The following TMEM163 variants were observed in gnomAD, a reference collection of about 807,000 sequenced individuals.
The protein encoded by TMEM163 is transmembrane protein 163.
A neutral mutation model predicts 29.3 loss-of-function variants in TMEM163; 17 were observed. The observed-to-expected ratio is 0.58, with a 90% confidence interval of 0.40 to 0.87. The LOEUF (loss-of-function observed/expected upper bound fraction) is 0.87. Ranked by LOEUF, TMEM163 falls within the 40% of genes least tolerant of loss-of-function variation. The pLI is 0.00. For synonymous variants in TMEM163, 157 were observed against 160.6 expected (o/e 0.98, Z 0.17); for missense variants, 303 against 381.5 (o/e 0.79, Z 1.71).
At chr2:134,552,753 C>G (rs1404800151) in intron 2 of TMEM163, among the ~76,000 whole-genome samples, 1 of 151,142 alleles carries the variant, frequency 6.6e-6, no homozygotes. Flanking sequence ...CCTCTGCCTC[C>G]CGGGTTCAAG....
intron 2 of TMEM163, among the ~76,000 whole-genome samples, chr2:134,688,484 TTCTC>T (rs1213619455): frequency 1.3e-5 from 2 of 152,236 alleles, no homozygotes; most frequent in African/African-American, 4.8e-5. Flanking sequence ...AATTCCTAGA[TTCTC>T]TCAGTCCTTC....
At chr2:134,463,925 G>C (rs1290709292) in intron 6 of TMEM163, among the ~76,000 whole-genome samples, 1 of 152,178 alleles carries the variant, frequency 6.6e-6, no homozygotes, top group Non-Finnish European at 1.5e-5. Flanking sequence ...GCAACCCAGG[G>C]CTTCATCTGG....
At chr2:134,678,638 C>T (rs2104873135) in intron 2 of TMEM163, among the ~76,000 whole-genome samples, 1 of 152,316 alleles carries the variant, frequency 6.6e-6, no homozygotes, top group South Asian at 2.1e-4. Context: ...AGGCCCGTCT[C>T]TGCTACTCAT....
chr2:134,496,413 G>A (rs956900995), intron 5 of TMEM163, among the ~76,000 whole-genome samples: 8 of 152,142 alleles, frequency 5.3e-5, no homozygotes, highest in African/African-American at 1.9e-4. Flanking sequence ...TTGCTCAGGA[G>A]CATGGAATCC....
At chr2:134,553,115 C>T (rs1156369978) in intron 2 of TMEM163, among the ~76,000 whole-genome samples, 3 of 152,174 alleles carry the variant, frequency 2.0e-5, no homozygotes, top group South Asian at 4.1e-4. Context: ...CATACATGCA[C>T]CTCCAACCAT....
At chr2:134,461,038 C>T (rs141241921) in intron 6 of TMEM163, among the ~76,000 whole-genome samples, 74 of 152,324 alleles carry the variant, frequency 4.9e-4, no homozygotes, top group African/African-American at 1.6e-3. Context: ...CTTCCCAATC[C>T]GTCATTCCAC....
At chr2:134,527,550 G>A (rs1049396288) in intron 4 of TMEM163, among the ~76,000 whole-genome samples, 4 of 152,168 alleles carry the variant, frequency 2.6e-5, no homozygotes, top group Non-Finnish European at 5.9e-5. Flanking sequence ...GGAAATTGAA[G>A]GTCTAAGGGC....
intron 2 of TMEM163, among the ~76,000 whole-genome samples, chr2:134,615,157 C>G (rs1194225230): frequency 6.6e-6 from 1 of 151,968 alleles, no homozygotes; most frequent in African/African-American, 2.4e-5. Context: ...GTTTTTTGCA[C>G]CAAAATGTAC....
chr2:134,465,558 A>G (rs529292266), intron 6 of TMEM163, among the ~76,000 whole-genome samples: 1 of 152,314 alleles, frequency 6.6e-6, no homozygotes, highest in South Asian at 2.1e-4. Flanking sequence ...CCTCTCTGTC[A>G]TCCCAAAGGT....
chr2:134,463,038 C>A (rs1686584681), intron 6 of TMEM163, among the ~76,000 whole-genome samples: 1 of 152,236 alleles, frequency 6.6e-6, no homozygotes, highest in Non-Finnish European at 1.5e-5. Flanking sequence ...TATGGACTCA[C>A]CACTGGGAGC....
chr2:134,575,604 G>A (rs1270013255), intron 2 of TMEM163, among the ~76,000 whole-genome samples: 2 of 152,142 alleles, frequency 1.3e-5, no homozygotes, highest in Non-Finnish European at 2.9e-5. Flanking sequence ...CTCGCCACAC[G>A]GAGTGAATGC....
At chr2:134,699,834 G>T (rs1479894255) in intron 2 of TMEM163, among the ~76,000 whole-genome samples, 1 of 151,682 alleles carries the variant, frequency 6.6e-6, no homozygotes, top group South Asian at 2.1e-4. Context: ...TTATCTTCTG[G>T]GTGGTTGGAA....
intron 5 of TMEM163, among the ~76,000 whole-genome samples, chr2:134,501,840 T>C (rs1367034677): frequency 6.6e-6 from 1 of 152,208 alleles, no homozygotes; most frequent in Non-Finnish European, 1.5e-5. Context: ...TATCCATTTT[T>C]CCTCCCTGTC....
intron 2 of TMEM163, among the ~76,000 whole-genome samples, chr2:134,680,429 G>A (rs950832215): frequency 1.3e-5 from 2 of 151,764 alleles, no homozygotes; most frequent in Non-Finnish European, 2.9e-5. Flanking sequence ...TCCAACCTGG[G>A]CTACAGAGCT....
At chr2:134,568,152 T>C (rs1051418505) in intron 2 of TMEM163, among the ~76,000 whole-genome samples, 1 of 152,238 alleles carries the variant, frequency 6.6e-6, no homozygotes, top group Non-Finnish European at 1.5e-5. Flanking sequence ...GTGCCCCAGA[T>C]CTATCATGTT....
chr2:134,511,389 C>T (rs190118963), intron 4 of TMEM163, among the ~76,000 whole-genome samples: 5 of 152,322 alleles, frequency 3.3e-5, no homozygotes, highest in Admixed American at 6.5e-5. Flanking sequence ...ACCACAAGGA[C>T]TTGTGTTTTT....
intron 4 of TMEM163, among the ~76,000 whole-genome samples, chr2:134,520,170 T>A (rs16830752): frequency 0.017 from 2,530 of 152,222 alleles, 81 homozygotes; most frequent in Middle Eastern, 0.14. Context: ...GTTTGATAGG[T>A]CCACACATTC....
chr2:134,665,868 C>A (rs969701349), intron 2 of TMEM163, among the ~76,000 whole-genome samples: 5 of 152,172 alleles, frequency 3.3e-5, no homozygotes, highest in Non-Finnish European at 7.3e-5. Context: ...CTAAGCTCCA[C>A]CTGGCTTGTG....
At chr2:134,714,254 T>C (rs372816794) in intron 1 of TMEM163, among the ~76,000 whole-genome samples, 20 of 152,324 alleles carry the variant, frequency 1.3e-4, no homozygotes, top group African/African-American at 4.3e-4. Flanking sequence ...TTTTCAGCCA[T>C]GCATTTACAT....
Sources: allele counts gnomAD v4.1 joint callset (sites outside exome capture counted in the v4.1 genomes callset), GRCh38; gene constraint gnomAD v4.1.1; transcripts MANE v1.5; gene names NCBI Gene and HGNC (gene_info 2026-07-23, HGNC 2026-07-21).